AFAP1: variants seen among roughly 807,000 people sequenced by gnomAD.
The protein encoded by AFAP1 is actin filament associated protein 1.
In AFAP1, 75 loss-of-function variants were observed where a neutral mutation model predicts 93.9. The ratio of observed to expected loss-of-function variants is 0.80; its 90% confidence interval spans 0.66 to 0.97. The LOEUF is 0.97. Among genes scored for constraint, AFAP1 ranks in the 50% least tolerant of loss-of-function variants. The probability of loss-of-function intolerance (pLI) is 0.00; values close to 1 mark genes in which losing one functional copy is unlikely to be tolerated. For synonymous variants in AFAP1, 517 were observed against 430.7 expected (o/e 1.20, Z -2.48); for missense variants, 1,201 against 1,050.8 (o/e 1.14, Z -1.98).
intron 5 of AFAP1, among the ~76,000 whole-genome samples, chr4:7,840,942 A>G (rs1712935090): frequency 1.3e-5 from 2 of 152,256 alleles, no homozygotes; most frequent in Non-Finnish European, 1.5e-5. Context: ...TATAGTGATC[A>G]GATCAGATAA....
At chr4:7,770,561 G>T (rs1291564743) in intron 16 of AFAP1, among the ~76,000 whole-genome samples, 1 of 152,168 alleles carries the variant, frequency 6.6e-6, no homozygotes, top group Non-Finnish European at 1.5e-5. Flanking sequence ...TCACCAGGGG[G>T]AGCAGGAGGC....
chr4:7,895,962 G>C (rs945338500), intron 1 of AFAP1, among the ~76,000 whole-genome samples: 4 of 149,698 alleles, frequency 2.7e-5, no homozygotes, highest in African/African-American at 9.8e-5. Flanking sequence ...CCACGTTGAA[G>C]CGATTCTCCT....
intron 16 of AFAP1, among the ~76,000 whole-genome samples, chr4:7,771,525 TG>T (rs1470804369): frequency 1.3e-5 from 2 of 152,232 alleles, no homozygotes; most frequent in Non-Finnish European, 2.9e-5. Context: ...AATGAATGAA[TG>T]CATGTGTATG....
At chr4:7,781,191 T>C (rs1716728944) in intron 13 of AFAP1, among the ~76,000 whole-genome samples, 185 bp downstream of exon 13, 1 of 152,166 alleles carries the variant, frequency 6.6e-6, no homozygotes, top group East Asian at 1.9e-4. Context: ...AGATAAACCA[T>C]GAGCTCGTTA....
Position 7,856,066 on chromosome 4 carries a change from G to C in AFAP1, c.226-492C>G, listed in dbSNP as rs374520718. Among the ~76,000 whole-genome samples, 4 of 152,332 alleles carry C rather than the reference G, an allele frequency of 2.6e-5. 1 individual carries two copies. The highest frequency in any genetic ancestry group is 6.5e-5 in the Admixed American group (1 of 15,304). On this transcript the variant is annotated intron_variant, in intron 3 of 17. Coordinates refer to ENST00000420658, the MANE Select transcript of AFAP1 (RefSeq NM_001134647.2). The stretch of plus-strand genomic sequence containing the variant: ...AGGCGCACCCAGCACTCATCACAGA[G>C]TGAGTTGGTGAGCCACACTGGCTGA...
intron 6 of AFAP1, among the ~76,000 whole-genome samples, chr4:7,820,121 C>T (rs538216487): frequency 3.3e-5 from 5 of 152,242 alleles, no homozygotes; most frequent in Admixed American, 3.3e-4. Flanking sequence ...TGGAGTGACC[C>T]CACTGAAGAC....
chr4:7,926,920 G>C (rs1017155866), intron 1 of AFAP1, among the ~76,000 whole-genome samples: 3 of 152,168 alleles, frequency 2.0e-5, no homozygotes, highest in African/African-American at 7.2e-5. Flanking sequence ...ATTTTTAGTA[G>C]AGAAGGGGTT....
At chr4:7,935,831 C>A (rs1304900235) in intron 1 of AFAP1, among the ~76,000 whole-genome samples, 1 of 152,182 alleles carries the variant, frequency 6.6e-6, no homozygotes. Context: ...AAAATATATC[C>A]TCTGTGTTCT....
Position 7,774,970 on chromosome 4 carries a change from C to T in AFAP1, c.1898-67G>A, listed in dbSNP as rs370353464. 6.1e-5 allele frequency: 95 copies of T among 1,554,618 alleles called. 3 individuals carry two copies. In the South Asian group the frequency reaches 7.7e-4, roughly 13 times the overall value. On this transcript the variant is annotated intron_variant, in intron 14 of 17. Coordinates refer to ENST00000420658, the MANE Select transcript of AFAP1 (RefSeq NM_001134647.2). ...TAGCCTGGGAAATATGGGACGATCCCTTCTCCACAAAAAATACAAAATTAG... is the reference window on the plus strand; with the variant it reads ...TAGCCTGGGAAATATGGGACGATCCTTTCTCCACAAAAAATACAAAATTAG...
chr4:7,854,974 A>C (rs1464641183), intron 4 of AFAP1, among the ~76,000 whole-genome samples: 1 of 152,180 alleles, frequency 6.6e-6, no homozygotes, highest in Non-Finnish European at 1.5e-5. Flanking sequence ...CTTAGGCAAA[A>C]ATCATCTAAT....
At chr4:7,919,973 T>C (rs916459949) in intron 1 of AFAP1, among the ~76,000 whole-genome samples, 3 of 152,302 alleles carry the variant, frequency 2.0e-5, no homozygotes, top group South Asian at 2.1e-4. Flanking sequence ...AAGGACATGA[T>C]CTTGTTCCTT....
intron 1 of AFAP1, among the ~76,000 whole-genome samples, chr4:7,936,739 A>C (rs1312260872): frequency 1.3e-5 from 2 of 151,892 alleles, no homozygotes; most frequent in Non-Finnish European, 2.9e-5. Flanking sequence ...GTGCCACCAC[A>C]CCCGGCTAAC....
At chr4:7,788,433 G>A (rs192743923) in intron 11 of AFAP1, among the ~76,000 whole-genome samples, 3 of 152,260 alleles carry the variant, frequency 2.0e-5, no homozygotes, top group African/African-American at 7.2e-5. Flanking sequence ...GAGCGCGTGT[G>A]CGCCCCATGC....
intron 1 of AFAP1, among the ~76,000 whole-genome samples, chr4:7,932,198 G>A (rs1269302180): frequency 6.6e-6 from 1 of 151,548 alleles, no homozygotes; most frequent in Non-Finnish European, 1.5e-5. Flanking sequence ...TCAAGTCAGA[G>A]CTTGTCATTT....
chr4:7,935,388 C>G (rs1052231617), intron 1 of AFAP1, among the ~76,000 whole-genome samples: 8 of 152,184 alleles, frequency 5.3e-5, no homozygotes, highest in African/African-American at 1.7e-4. Context: ...CTAAAGTTAT[C>G]TTTCACATTT....
intron 8 of AFAP1, among the ~76,000 whole-genome samples, chr4:7,811,207 G>C (rs530952408): frequency 2.6e-5 from 4 of 152,272 alleles, no homozygotes; most frequent in African/African-American, 9.6e-5. Context: ...GCAAACCCCA[G>C]CGCCCGACCC....
At chr4:7,770,526 G>T (rs1357994524) in intron 16 of AFAP1, among the ~76,000 whole-genome samples, 1 of 152,170 alleles carries the variant, frequency 6.6e-6, no homozygotes, top group African/African-American at 2.4e-5. Flanking sequence ...GGAAGGAAAG[G>T]CAAGAACGCA....
chr4:7,854,180 G>A (rs1714775380), intron 4 of AFAP1, among the ~76,000 whole-genome samples: 1 of 152,142 alleles, frequency 6.6e-6, no homozygotes, highest in Non-Finnish European at 1.5e-5. Flanking sequence ...GTTATATCGA[G>A]GCATTTAATT....
At chr4:7,781,777 A>G (rs1426979637) in intron 12 of AFAP1, 150 bp from the exon 13 acceptor site, 1 of 1,028,026 alleles carries the variant, frequency 9.7e-7, no homozygotes. Flanking sequence ...TGTTATCAAT[A>G]AGGCATGCAC....
Sources: gnomAD v4.1 joint callset for allele counts (sites outside exome capture counted in the v4.1 genomes callset) on GRCh38, gnomAD v4.1.1 for gene constraint, MANE v1.5 for transcripts, NCBI Gene and HGNC (gene_info 2026-07-23, HGNC 2026-07-21) for gene names.